The following MAEL variants were observed in gnomAD, a reference collection of about 807,000 sequenced individuals.
The protein encoded by MAEL is protein maelstrom homolog.
In MAEL, 46 loss-of-function variants were observed where a neutral mutation model predicts 62.0. That is an observed-to-expected ratio of 0.74 (90% CI 0.59 to 0.95). The LOEUF (loss-of-function observed/expected upper bound fraction) is 0.95. Ranked by LOEUF, MAEL falls within the 40% of genes least tolerant of loss-of-function variation. The pLI is 0.00. For missense variants in MAEL, 497 were observed against 526.8 expected, an observed-to-expected ratio of 0.94 and a Z score of 0.55; for synonymous variants, 172 against 175.5, an observed-to-expected ratio of 0.98 and a Z score of 0.16.
At chr1:166,997,061 C>T (rs187449571) in intron 5 of MAEL, among the ~76,000 whole-genome samples, 30 of 152,342 alleles carry the variant, frequency 2.0e-4, no homozygotes, top group Admixed American at 1.7e-3. Context: ...CTCCTGACCT[C>T]ATGATCTGCC....
intron 9 of MAEL, among the ~76,000 whole-genome samples, chr1:167,016,912 T>C (rs1333780006): frequency 6.6e-6 from 1 of 152,114 alleles, no homozygotes; most frequent in Non-Finnish European, 1.5e-5. Context: ...TGCTCACTTA[T>C]TTGTGGAATC....
At chr1:166,991,967 A>G (rs989527047) in intron 3 of MAEL, among the ~76,000 whole-genome samples, 2 of 152,230 alleles carry the variant, frequency 1.3e-5, no homozygotes, top group Non-Finnish European at 2.9e-5. Context: ...ATTGTACCTC[A>G]TAAATATGTA....
chr1:166,976,659 CAGAGG>C (rs1663591960), intron 1 of MAEL, among the ~76,000 whole-genome samples: 1 of 152,044 alleles, frequency 6.6e-6, no homozygotes, highest in African/African-American at 2.4e-5. Context: ...GCATTCTGGG[CAGAGG>C]AAAGAGACAT....
chr1:166,990,039 T>C (rs1664099597), intron 2 of MAEL: 1 of 533,902 alleles, frequency 1.9e-6, no homozygotes. Context: ...ATTGGTGTAA[T>C]TTGATGGTGA....
At chr1:167,020,576 T>A (rs1426793901) in intron 10 of MAEL, among the ~76,000 whole-genome samples, 1 of 152,172 alleles carries the variant, frequency 6.6e-6, no homozygotes, top group Non-Finnish European at 1.5e-5. Context: ...ACCTTTGCTC[T>A]AGCTGATTCC....
At chr1:166,997,668 G>A (rs1025115369) in intron 5 of MAEL, among the ~76,000 whole-genome samples, 1 of 152,156 alleles carries the variant, frequency 6.6e-6, no homozygotes, top group African/African-American at 2.4e-5. Flanking sequence ...ACTCTCCTGA[G>A]TAGCTGGAAC....
intron 5 of MAEL, among the ~76,000 whole-genome samples, chr1:166,996,665 G>A (rs969306221): frequency 2.6e-5 from 4 of 152,112 alleles, no homozygotes; most frequent in Non-Finnish European, 5.9e-5. Flanking sequence ...AGAAAATTAC[G>A]ATTCTGAATT....
chr1:166,988,456 TATACATACCCC>T, upstream of MAEL, among the ~76,000 whole-genome samples: 1 of 150,480 alleles, frequency 6.6e-6, no homozygotes, highest in South Asian at 2.1e-4. Context: ...TTTTAAAACA[TATACATACCCC>T]ATATATACAT....
At chr1:167,006,131 A>G (rs1664885724) in intron 8 of MAEL, 1 of 152,096 alleles carries the variant, frequency 6.6e-6, no homozygotes, top group Non-Finnish European at 1.5e-5. Context: ...TTATATTACC[A>G]TAGTGTAATG....
At chr1:166,991,345 G>A (rs1192799973) in intron 2 of MAEL, 33 bp from the exon 3 acceptor site, 2 of 1,406,518 alleles carry the variant, frequency 1.4e-6, no homozygotes. Context: ...CCCAGCAAGA[G>A]TTTATGTGGC....
At chr1:166,999,632 G>C (rs1329814640) in intron 5 of MAEL, among the ~76,000 whole-genome samples, 1 of 152,198 alleles carries the variant, frequency 6.6e-6, no homozygotes, top group Non-Finnish European at 1.5e-5. Flanking sequence ...TGATCAAGGT[G>C]GCTACAGCAA....
At chr1:166,988,667 AAG>A (rs1452896516), upstream of MAEL, among the ~76,000 whole-genome samples, 1 of 152,218 alleles carries the variant, frequency 6.6e-6, no homozygotes, top group Non-Finnish European at 1.5e-5. Context: ...AATTTTTTAA[AAG>A]AAATTTTTCA....
intron 5 of MAEL, among the ~76,000 whole-genome samples, chr1:167,003,894 C>T (rs1664779886): frequency 6.6e-6 from 1 of 152,100 alleles, no homozygotes; most frequent in African/African-American, 2.4e-5. Context: ...CTGAACAAAC[C>T]TGGGTTTAAG....
chr1:166,992,748 T>A lies in MAEL; in HGVS notation c.388T>A (p.Cys130Ser), dbSNP rs1349501048. The change falls in exon 4 of 12, where the codon TGT (cysteine) becomes AGT (serine). Residue 130 changes from cysteine (C) to serine (S), a missense_variant. Coordinates refer to ENST00000367872, the MANE Select transcript of MAEL (RefSeq NM_032858.3). ...TAGCCATGGCGAGCTACCTCCTCAT[T>A]GTGAACAGCGCTTCCTCCCTTGTGA... ...IFSHGELPPH[C>S]EQRFLPCEIG... 1 of 1,611,514 alleles carries A rather than the reference T, an allele frequency of 6.2e-7. No individual in the cohort carries two copies. Among genetic ancestry groups the A allele is most frequent in the Non-Finnish European group, 8.5e-7 (1 of 1,179,096 alleles).
upstream of MAEL, chr1:166,989,037 G>A (rs761192085): frequency 2.5e-4 from 79 of 316,744 alleles, no homozygotes; most frequent in Middle Eastern, 9.4e-4. Context: ...CGCACATTAC[G>A]CAATAATGTA....
At chr1:167,001,487 G>A (rs1664664257) in intron 5 of MAEL, among the ~76,000 whole-genome samples, 1 of 152,122 alleles carries the variant, frequency 6.6e-6, no homozygotes, top group South Asian at 2.1e-4. Flanking sequence ...GTGATCATTC[G>A]TATTTTTAGC....
At chr1:166,982,454 G>A (rs1209796413) in intron 1 of MAEL, among the ~76,000 whole-genome samples, 1 of 152,086 alleles carries the variant, frequency 6.6e-6, no homozygotes, top group African/African-American at 2.4e-5. Context: ...TTAGCAGAAA[G>A]CTGGATGTAG....
At chr1:167,008,745 G>A (rs1665036877) in intron 8 of MAEL, among the ~76,000 whole-genome samples, 1 of 151,738 alleles carries the variant, frequency 6.6e-6, no homozygotes, top group Non-Finnish European at 1.5e-5. Context: ...GTAGATTATT[G>A]CATGCAATAT....
chr1:166,989,507 G>A (rs753886127), intron 1 of MAEL, 23 bp downstream of exon 1: 1 of 1,575,786 alleles, frequency 6.3e-7, no homozygotes, highest in Non-Finnish European at 8.6e-7. Flanking sequence ...CGGAGTGAGA[G>A]GGCTGGGCAG....
Sources: allele counts gnomAD v4.1 joint callset (sites outside exome capture counted in the v4.1 genomes callset), GRCh38; gene constraint gnomAD v4.1.1; transcripts MANE v1.5; gene names NCBI Gene and HGNC (gene_info 2026-07-23, HGNC 2026-07-21).